PCDH9: variants seen among roughly 807,000 people sequenced by gnomAD.
PCDH9 encodes protocadherin-9.
Under a neutral mutation model 70.6 loss-of-function variants are expected in PCDH9, and 24 were observed. The ratio of observed to expected loss-of-function variants is 0.34; its 90% confidence interval spans 0.25 to 0.48. The LOEUF (loss-of-function observed/expected upper bound fraction) is 0.48. Ranked by LOEUF, PCDH9 falls within the 20% of genes least tolerant of loss-of-function variation. The pLI is 0.99. For missense variants in PCDH9, 1,281 were observed against 1,503.6 expected (o/e 0.85, Z 2.45); for synonymous variants, 562 against 558.5 (o/e 1.01, Z -0.09).
chr13:66,697,254 T>C (rs901570086), intron 3 of PCDH9, among the ~76,000 whole-genome samples: 1 of 152,126 alleles, frequency 6.6e-6, no homozygotes. Context: ...CATGATATCA[T>C]AAATCATTTT....
rs1009146080 is a variant in PCDH9 at position 67,137,450 on chromosome 13, G to A, written c.3036+87955C>T. On this transcript the variant is annotated intron_variant, in intron 2 of 4. Coordinates refer to ENST00000377865, the MANE Select transcript of PCDH9 (RefSeq NM_203487.3). ...AGGTAAAAACTTTGGGGTGATCCTC[G>A]TGCCTCCATCATAAAGATGAAAATA... Among the ~76,000 whole-genome samples, 11 of 152,194 alleles carry A rather than the reference G, an allele frequency of 7.2e-5. No homozygotes were observed. In the East Asian group the frequency reaches 9.7e-4, roughly 13 times the overall value.
At chr13:66,446,254 C>G (rs923736152) in intron 4 of PCDH9, among the ~76,000 whole-genome samples, 4 of 151,926 alleles carry the variant, frequency 2.6e-5, no homozygotes, top group Non-Finnish European at 5.9e-5. Flanking sequence ...AAAAGAGTAA[C>G]CAACATTTGC....
intron 2 of PCDH9, among the ~76,000 whole-genome samples, chr13:66,994,234 G>A (rs2084061525): frequency 6.6e-6 from 1 of 152,122 alleles, no homozygotes; most frequent in African/African-American, 2.4e-5. Flanking sequence ...ACTGATTCCA[G>A]GAATGCAAAA....
chr13:66,568,623 G>C (rs2076687041), intron 4 of PCDH9, among the ~76,000 whole-genome samples: 7 of 151,122 alleles, frequency 4.6e-5, no homozygotes, highest in Admixed American at 4.6e-4. Flanking sequence ...AGTGAGCTAT[G>C]ATCATGCCAC....
chr13:67,106,527 AT>A (rs1156722318), intron 2 of PCDH9, among the ~76,000 whole-genome samples: 8 of 152,318 alleles, frequency 5.3e-5, no homozygotes, highest in Admixed American at 3.3e-4. Context: ...CACAATTCTA[AT>A]TTTAATATGG....
chr13:67,154,572 T>G (rs2087748711), intron 2 of PCDH9, among the ~76,000 whole-genome samples: 1 of 63,424 alleles, frequency 1.6e-5, no homozygotes, highest in African/African-American at 6.5e-5. Context: ...GGAGACCCTG[T>G]CTCAAAAAAA....
intron 2 of PCDH9, among the ~76,000 whole-genome samples, chr13:67,106,658 G>T (rs2086550199): frequency 1.3e-5 from 2 of 152,216 alleles, no homozygotes; most frequent in African/African-American, 2.4e-5. Context: ...ACAGGCAGGA[G>T]ACCCGCCCTC....
rs532657578 is a variant in PCDH9 at position 66,701,368 on chromosome 13, AGTGT to A, written c.3139-69961_3139-69958del. 1.4e-4 allele frequency among the ~76,000 whole-genome samples: 21 copies of A among 152,172 alleles called. No homozygotes were observed. The East Asian group carries it at 4.1e-3, about 29-fold the overall frequency. On this transcript the variant is annotated intron_variant, in intron 3 of 4. Transcript: ENST00000377865. ...ACATGTATGAGTATGTAAATATACCAGTGTATGTGTAAATATATATATACATATA... is the reference window on the plus strand; with the variant it reads ...ACATGTATGAGTATGTAAATATACCAATGTGTAAATATATATATACATATA...
chr13:66,564,646 C>A (rs2076626115), intron 4 of PCDH9, among the ~76,000 whole-genome samples: 1 of 151,882 alleles, frequency 6.6e-6, no homozygotes, highest in Admixed American at 6.6e-5. Flanking sequence ...GATTTTTCCC[C>A]CTTTCTTCTA....
chr13:66,997,473 C>G (rs1419713554), intron 2 of PCDH9, among the ~76,000 whole-genome samples: 1 of 151,988 alleles, frequency 6.6e-6, no homozygotes, highest in Non-Finnish European at 1.5e-5. Context: ...ACCCAGACAC[C>G]ACCCATTAGG....
At chr13:66,471,229 G>A (rs1240360839) in intron 4 of PCDH9, among the ~76,000 whole-genome samples, 1 of 151,988 alleles carries the variant, frequency 6.6e-6, no homozygotes, top group Non-Finnish European at 1.5e-5. Flanking sequence ...AAGGAGGAGG[G>A]AGGCAATGAG....
At chr13:66,779,516 G>T (rs973487143) in intron 3 of PCDH9, among the ~76,000 whole-genome samples, 3 of 152,186 alleles carry the variant, frequency 2.0e-5, no homozygotes, top group African/African-American at 7.2e-5. Context: ...CACTTATGTG[G>T]AATATTTAAA....
At chr13:66,335,845 C>T (rs73205645) in intron 4 of PCDH9, among the ~76,000 whole-genome samples, 1,879 of 152,112 alleles carry the variant, frequency 0.012, 33 homozygotes, top group East Asian at 0.061. Flanking sequence ...ATAAAGTACA[C>T]GGGGGTGTCT....
intron 4 of PCDH9, among the ~76,000 whole-genome samples, chr13:66,442,539 C>A (rs1957993531): frequency 6.6e-6 from 1 of 151,952 alleles, no homozygotes; most frequent in Non-Finnish European, 1.5e-5. Flanking sequence ...TAAAAAATCT[C>A]TTTTCCAAAG....
intron 4 of PCDH9, among the ~76,000 whole-genome samples, chr13:66,384,042 A>G (rs575315949): frequency 6.6e-6 from 1 of 152,252 alleles, no homozygotes; most frequent in African/African-American, 2.4e-5. Context: ...TTTCGACAAC[A>G]TGAAATTTTA....
intron 4 of PCDH9, among the ~76,000 whole-genome samples, chr13:66,327,107 C>T (rs1593803726): frequency 6.6e-6 from 1 of 152,232 alleles, no homozygotes; most frequent in East Asian, 1.9e-4. Context: ...TTAGAAATAG[C>T]CTTATCAAAC....
intron 2 of PCDH9, among the ~76,000 whole-genome samples, chr13:67,171,193 A>G (rs982545128): frequency 6.6e-6 from 1 of 152,198 alleles, no homozygotes; most frequent in African/African-American, 2.4e-5. Context: ...CACAGGGAAT[A>G]ATTTTTCTTA....
intron 2 of PCDH9, among the ~76,000 whole-genome samples, chr13:66,942,959 A>C (rs1460572504): frequency 1.3e-5 from 2 of 152,054 alleles, no homozygotes; most frequent in African/African-American, 4.8e-5. Flanking sequence ...CTTTCCCTGT[A>C]TGGCCTTCAA....
At chr13:67,121,175 A>G (rs1427348640) in intron 2 of PCDH9, among the ~76,000 whole-genome samples, 1 of 152,180 alleles carries the variant, frequency 6.6e-6, no homozygotes. Context: ...TGATATTAAT[A>G]TTTACTTTAA....
Sources: allele counts gnomAD v4.1 joint callset (sites outside exome capture counted in the v4.1 genomes callset), GRCh38; gene constraint gnomAD v4.1.1; transcripts MANE v1.5; gene names NCBI Gene and HGNC (gene_info 2026-07-23, HGNC 2026-07-21).